MICU3: variants seen among roughly 807,000 people sequenced by gnomAD.
MICU3 encodes the protein mitochondrial calcium uptake 3.
MICU3 carries 62 observed loss-of-function variants against 66.5 expected under a neutral mutation model. The observed-to-expected ratio is 0.93, with a 90% CI of 0.76 to 1.15. MICU3 has a LOEUF of 1.15. MICU3 is among the 50% of genes most tolerant of loss of function. The pLI is 0.00. For missense variants in MICU3, 779 were observed against 664.4 expected (o/e 1.17, Z -1.90); for synonymous variants, 308 against 240.7 (o/e 1.28, Z -2.59).
At position 17,105,813 on chromosome 8, in the gene MICU3, A is replaced by G. The variant is rs149995143; in HGVS notation, c.1257+229A>G. Among the ~76,000 whole-genome samples, 1,456 of 152,144 alleles carry G rather than the reference A, an allele frequency of 9.6e-3. 27 individuals are homozygous for G. The highest frequency in any genetic ancestry group is 0.033 in the African/African-American group (1,366 of 41,518). ...AGGTATTTCAAAACTCCTTTAGGCT[A>G]CTACCAATTGTTTTATTCAAATTAA... On this transcript the variant is annotated intron_variant, in intron 11 of 14. Coordinates refer to ENST00000318063, the MANE Select transcript of MICU3 (RefSeq NM_181723.3).
rs571510346 is a variant in MICU3 at position 17,076,998 on chromosome 8, A to T, written c.568-785A>T. On this transcript the variant is annotated intron_variant, in intron 3 of 14. Transcript: ENST00000318063. ...ATCATTTTTCTTCACAATTAATCAA[A>T]TTATAGTTTTCACTTAGTCGTTTTT... Among the ~76,000 whole-genome samples the T allele has an allele frequency of 5.2e-4, 79 of 152,322 alleles. 2 individuals carry two copies. The South Asian group carries it at 0.016, about 31-fold the overall frequency.
Position 17,063,523 on chromosome 8 carries a change from C to A in MICU3, c.382-561C>A, listed in dbSNP as rs1448780642. On this transcript the variant is annotated intron_variant, in intron 1 of 14. Transcript: ENST00000318063. ...AGGAAAGGTCTTGAAGGAAAAGAGACCCCTAAAATTCAGACCAATGATGGC... is the reference window on the plus strand; with the variant it reads ...AGGAAAGGTCTTGAAGGAAAAGAGAACCCTAAAATTCAGACCAATGATGGC... Among the ~76,000 whole-genome samples the A allele has an allele frequency of 4.6e-5, 7 of 152,152 alleles. No individual in the cohort carries two copies. In the East Asian group the frequency reaches 1.3e-3, roughly 29 times the overall value.
chr8:17,074,063 TTTTA>T (rs1465719144), intron 3 of MICU3, among the ~76,000 whole-genome samples: 1 of 151,376 alleles, frequency 6.6e-6, no homozygotes, highest in African/African-American at 2.4e-5. Flanking sequence ...TGGTTTTTTT[TTTTA>T]TTTTTTATTT....
intron 1 of MICU3, among the ~76,000 whole-genome samples, chr8:17,055,047 T>C (rs1335671491): frequency 6.6e-6 from 1 of 152,258 alleles, no homozygotes; most frequent in Non-Finnish European, 1.5e-5. Flanking sequence ...CCAAACGTTT[T>C]CTTAATCTGT....
At chr8:17,127,734 CAT>C in the MICU3 span, among the ~76,000 whole-genome samples, 2 of 152,094 alleles carry the variant, frequency 1.3e-5, no homozygotes, top group Non-Finnish European at 2.9e-5. Flanking sequence ...AGCAAATTAA[CAT>C]ATGTGTTTTT....
At chr8:17,104,867 C>T (rs554503968) in intron 10 of MICU3, among the ~76,000 whole-genome samples, 2 of 82,810 alleles carry the variant, frequency 2.4e-5, no homozygotes, top group Non-Finnish European at 4.1e-5. Flanking sequence ...TGGTAGCGGG[C>T]GCCTGTAGTC....
chr8:17,115,887 C>T (rs1802634577), intron 12 of MICU3, among the ~76,000 whole-genome samples: 1 of 152,124 alleles, frequency 6.6e-6, no homozygotes, highest in South Asian at 2.1e-4. Flanking sequence ...CCCCGCCTGC[C>T]TTGGTTCATT....
At chr8:17,135,747 G>T in the MICU3 span, among the ~76,000 whole-genome samples, 3 of 152,116 alleles carry the variant, frequency 2.0e-5, no homozygotes, top group East Asian at 3.9e-4. Flanking sequence ...TTTTGCTGTT[G>T]ATCAGAAGAA....
chr8:17,031,530 G>A (rs554633372), intron 1 of MICU3, among the ~76,000 whole-genome samples: 5 of 151,686 alleles, frequency 3.3e-5, no homozygotes, highest in South Asian at 4.2e-4. Context: ...CTCAAGTTCC[G>A]CCTGCCTCAG....
intron 2 of MICU3, among the ~76,000 whole-genome samples, chr8:17,069,011 ATT>A (rs909251468): frequency 1.3e-5 from 2 of 152,186 alleles, no homozygotes; most frequent in Admixed American, 1.3e-4. Flanking sequence ...TTGTCCCAAC[ATT>A]TTAAGTTTTA....
chr8:17,039,271 A>G (rs570319010), intron 1 of MICU3, among the ~76,000 whole-genome samples: 2 of 152,322 alleles, frequency 1.3e-5, no homozygotes, highest in African/African-American at 4.8e-5. Context: ...CTTTATTGCA[A>G]TATTTGTTTT....
intron 2 of MICU3, among the ~76,000 whole-genome samples, chr8:17,066,900 T>C (rs1818808167): frequency 1.3e-5 from 2 of 152,280 alleles, no homozygotes; most frequent in East Asian, 3.9e-4. Context: ...ATTTTTTTCT[T>C]CAGAATACAT....
At chr8:17,103,518 C>A (rs1337713432) in intron 9 of MICU3, among the ~76,000 whole-genome samples, 1 of 151,346 alleles carries the variant, frequency 6.6e-6, no homozygotes, top group East Asian at 1.9e-4. Context: ...GAGTTATAGT[C>A]CTTTGAATTT....
chr8:17,029,979 A>T (rs938674986), intron 1 of MICU3, among the ~76,000 whole-genome samples: 1 of 152,070 alleles, frequency 6.6e-6, no homozygotes, highest in African/African-American at 2.4e-5. Context: ...TTTATAGCAG[A>T]TATCCTGGGC....
At chr8:17,062,408 T>G (rs1045331236) in intron 1 of MICU3, among the ~76,000 whole-genome samples, 1 of 152,204 alleles carries the variant, frequency 6.6e-6, no homozygotes, top group Admixed American at 6.5e-5. Context: ...CCATTTCTTA[T>G]GCCGTTAGAA....
intron 1 of MICU3, among the ~76,000 whole-genome samples, chr8:17,034,728 T>C (rs1488097175): frequency 6.6e-6 from 1 of 152,230 alleles, no homozygotes; most frequent in African/African-American, 2.4e-5. Context: ...CCTAAAGATA[T>C]GACTGAATTG....
downstream of MICU3, among the ~76,000 whole-genome samples, chr8:17,122,890 G>C (rs1803291431): frequency 6.6e-6 from 1 of 151,888 alleles, no homozygotes; most frequent in African/African-American, 2.4e-5. Flanking sequence ...ATTGGTACTG[G>C]AAAACTTTTC....
chr8:17,136,022 G>A, the MICU3 span, among the ~76,000 whole-genome samples: 1 of 152,036 alleles, frequency 6.6e-6, no homozygotes, highest in Admixed American at 6.6e-5. Flanking sequence ...GCTAAAAATT[G>A]TACTTACTCC....
At chr8:17,137,705 C>CTTT in the MICU3 span, among the ~76,000 whole-genome samples, 7 of 102,882 alleles carry the variant, frequency 6.8e-5, no homozygotes, top group African/African-American at 1.6e-4. Context: ...TTTTCTTTTC[C>CTTT]TTTTTTTTTT....
Sources: gnomAD v4.1 joint callset for allele counts (sites outside exome capture counted in the v4.1 genomes callset) on GRCh38, gnomAD v4.1.1 for gene constraint, MANE v1.5 for transcripts, NCBI Gene and HGNC (gene_info 2026-07-23, HGNC 2026-07-21) for gene names.